Variants in WLS observed in about 807,000 individuals in gnomAD.
WLS encodes Wnt ligand secretion mediator, also known as protein wntless homolog.
A neutral mutation model predicts 62.8 loss-of-function variants in WLS; 23 were observed. The observed-to-expected ratio is 0.37, with a 90% CI of 0.26 to 0.52. WLS has a LOEUF of 0.52. Ranked by LOEUF, WLS falls within the 20% of genes least tolerant of loss-of-function variation. The pLI, the probability that WLS is intolerant of heterozygous loss-of-function variation, is 0.92. For synonymous variants in WLS, 246 were observed against 244.1 expected (o/e 1.01, Z -0.07); for missense variants, 615 against 697.3 (o/e 0.88, Z 1.33).
intron 2 of WLS, among the ~76,000 whole-genome samples, chr1:68,190,548 T>C (rs1557508754): frequency 6.6e-6 from 1 of 152,212 alleles, no homozygotes; most frequent in Non-Finnish European, 1.5e-5. Context: ...CGCTGCCATG[T>C]TGCGAGGCAG....
intron 11 of WLS, among the ~76,000 whole-genome samples, chr1:68,099,036 A>G (rs1057384764): frequency 1.3e-5 from 2 of 152,096 alleles, no homozygotes; most frequent in Non-Finnish European, 2.9e-5. Flanking sequence ...CAGCACTGCC[A>G]TCCTTGTTGA....
At chr1:68,116,793 A>C (rs550971133) in intron 11 of WLS, among the ~76,000 whole-genome samples, 30 of 152,318 alleles carry the variant, frequency 2.0e-4, no homozygotes, top group South Asian at 8.3e-4. Flanking sequence ...TATTTCTTTC[A>C]AGATAAAAAC....
intron 2 of WLS, among the ~76,000 whole-genome samples, chr1:68,175,944 A>C (rs996690426): frequency 6.6e-6 from 1 of 152,236 alleles, no homozygotes; most frequent in Admixed American, 6.5e-5. Flanking sequence ...ACTAGAAGGG[A>C]TCCCGTCTGT....
chr1:68,228,898 T>A (rs1361064592), intron 1 of WLS, among the ~76,000 whole-genome samples: 1 of 12,714 alleles, frequency 7.9e-5, no homozygotes, highest in Non-Finnish European at 5.1e-4. Flanking sequence ...TTTTTTTTTG[T>A]TTTTTTTTTT....
intron 3 of WLS, among the ~76,000 whole-genome samples, chr1:68,157,754 T>G (rs757821863): frequency 9.9e-5 from 15 of 152,142 alleles, no homozygotes; most frequent in Non-Finnish European, 2.1e-4. Context: ...GATCAACACA[T>G]CCTAAAGATA....
chr1:68,110,007 TAAAAAAAAAA>T (rs11290966), intron 11 of WLS, among the ~76,000 whole-genome samples: 4 of 28,450 alleles, frequency 1.4e-4, no homozygotes, highest in South Asian at 1.4e-3. Context: ...ACACAAAAAG[TAAAAAAAAAA>T]AAAAAAAAAA....
chr1:68,211,999 T>C (rs544044457), intron 1 of WLS, among the ~76,000 whole-genome samples: 2 of 152,302 alleles, frequency 1.3e-5, no homozygotes, highest in South Asian at 2.1e-4. Context: ...CCCATTCTGA[T>C]TACAAAGGAG....
intron 1 of WLS, among the ~76,000 whole-genome samples, chr1:68,212,287 G>T (rs1033488601): frequency 6.6e-6 from 1 of 152,198 alleles, no homozygotes; most frequent in Non-Finnish European, 1.5e-5. Context: ...TGGAGTCCCA[G>T]AGCTGAATGA....
In WLS at chr1:68,105,828, C is replaced by A. The variant is rs188691494; in HGVS notation, c.1511-7075G>T. 1.1e-3 allele frequency among the ~76,000 whole-genome samples: 173 copies of A among 152,030 alleles called. 2 individuals carry two copies. The highest frequency in any genetic ancestry group is 5.2e-3 in the South Asian group (25 of 4,802). Reference sequence around the variant, plus strand: ...GCATCCAGGGAAAACATGTCAGTACCGTACACCTAACACCAGATGAGTGGA... The same window carrying A: ...GCATCCAGGGAAAACATGTCAGTACAGTACACCTAACACCAGATGAGTGGA... On this transcript the variant is annotated intron_variant, in intron 11 of 11. Coordinates refer to the WLS transcript ENST00000354777.
intron 1 of WLS, among the ~76,000 whole-genome samples, chr1:68,197,979 A>T (rs1342231415): frequency 6.6e-6 from 1 of 152,160 alleles, no homozygotes; most frequent in Non-Finnish European, 1.5e-5. Flanking sequence ...TGTATTCAAG[A>T]GGGGGCTGGA....
chr1:68,140,932 C>T (rs552141776), intron 10 of WLS, among the ~76,000 whole-genome samples: 19 of 152,002 alleles, frequency 1.2e-4, no homozygotes, highest in African/African-American at 3.6e-4. Context: ...CAGTCTCCCC[C>T]CTTTTAACTT....
intron 11 of WLS, among the ~76,000 whole-genome samples, chr1:68,106,986 T>G (rs1196989238): frequency 6.6e-6 from 1 of 152,228 alleles, no homozygotes; most frequent in African/African-American, 2.4e-5. Flanking sequence ...TCCAATGTTT[T>G]CTGCTTTTAA....
chr1:68,221,888 G>A (rs1649956076), intron 1 of WLS, among the ~76,000 whole-genome samples: 1 of 152,138 alleles, frequency 6.6e-6, no homozygotes, highest in South Asian at 2.1e-4. Flanking sequence ...AGTCACAAAG[G>A]AGGGGCCCAT....
chr1:68,222,574 G>A (rs3001035), intron 1 of WLS, among the ~76,000 whole-genome samples: 7,667 of 152,198 alleles, frequency 0.05, 226 homozygotes, highest in African/African-American at 0.076. Flanking sequence ...AAACTCTGAA[G>A]GACATATATC....
intron 1 of WLS, among the ~76,000 whole-genome samples, chr1:68,228,842 C>CAAAAAAAAAAAAAAAAAAAAAAAAAA (rs66626696): frequency 3.4e-5 from 2 of 58,022 alleles, no homozygotes; most frequent in Non-Finnish European, 5.7e-5. Flanking sequence ...ACACTGGTGC[C>CAAAAAAAAAAAAAAAAAAAAAAAAAA]AAAAAAAAAA....
intron 1 of WLS, among the ~76,000 whole-genome samples, chr1:68,198,515 C>T (rs1341717128): frequency 6.6e-6 from 1 of 152,034 alleles, no homozygotes; most frequent in East Asian, 1.9e-4. Flanking sequence ...AAGAAATGTA[C>T]AAACACAACC....
chr1:68,225,667 T>G (rs1170706072), intron 1 of WLS, among the ~76,000 whole-genome samples: 1 of 152,220 alleles, frequency 6.6e-6, no homozygotes, highest in African/African-American at 2.4e-5. Context: ...CTCGTTATTA[T>G]GCATGGGTGT....
At chr1:68,229,916 G>A (rs1290334923) in intron 1 of WLS, among the ~76,000 whole-genome samples, 3 of 152,156 alleles carry the variant, frequency 2.0e-5, no homozygotes, top group Admixed American at 1.3e-4. Flanking sequence ...TAATTGAGGG[G>A]AAGCTAGTTA....
intron 1 of WLS, among the ~76,000 whole-genome samples, chr1:68,211,317 GAA>G (rs34980541): frequency 5.2e-4 from 69 of 132,564 alleles, no homozygotes; most frequent in Middle Eastern, 3.8e-3. Flanking sequence ...CTTTGTAAAA[GAA>G]AAAAAAAAAA....
Sources: gnomAD v4.1 joint callset for allele counts (sites outside exome capture counted in the v4.1 genomes callset) on GRCh38, gnomAD v4.1.1 for gene constraint, MANE v1.5 for transcripts, NCBI Gene and HGNC (gene_info 2026-07-23, HGNC 2026-07-21) for gene names.